EPS8L2: variants seen among roughly 807,000 people sequenced by gnomAD.
EPS8L2 encodes epidermal growth factor receptor kinase substrate 8-like protein 2.
Under a neutral mutation model 99.4 loss-of-function variants are expected in EPS8L2, and 81 were observed. The observed-to-expected ratio is 0.82, with a 90% CI of 0.68 to 0.98. The LOEUF (loss-of-function observed/expected upper bound fraction) is 0.98, where lower values mean the gene tolerates loss of function less well. Ranked by LOEUF, EPS8L2 falls within the 50% of genes least tolerant of loss-of-function variation. EPS8L2 has a pLI of 0.00. For missense variants in EPS8L2, 1,155 were observed against 968.8 expected, an observed-to-expected ratio of 1.19 and a Z score of -2.55; for synonymous variants, 509 against 407.3, an observed-to-expected ratio of 1.25 and a Z score of -3.01.
At chr11:707,991 CT>C (rs912286695) in intron 1 of EPS8L2, among the ~76,000 whole-genome samples, 2 of 152,176 alleles carry the variant, frequency 1.3e-5, no homozygotes, top group African/African-American at 4.8e-5. Context: ...GCCATACCCC[CT>C]GGTGCACCCA....
Position 727,281 on chromosome 11 carries a change from C to A in EPS8L2, c.*300C>A, listed in dbSNP as rs1001573957. The A allele has an allele frequency of 1.3e-5, 4 of 307,124 alleles. No individual in the cohort carries two copies. Among genetic ancestry groups the A allele is most frequent in the African/African-American group, 2.2e-5 (1 of 45,182 alleles). The allele number at this position is 307,124 out of a possible 1,614,324, so 19.0% of individuals were successfully genotyped here. On this transcript the variant is annotated 3_prime_UTR_variant, in exon 21 of 21. Transcript: ENST00000318562. ...GCTGGGGCCTCTTTCTCTGGCCTCC[C>A]CTGTGCACCTGGGGGGTCCTGGCCC...
chr11:723,257 G>A lies in EPS8L2; in HGVS notation c.1358G>A (p.Arg453Gln), dbSNP rs371425662. Residue 453 changes from arginine to glutamine, a missense_variant, in exon 15 of 21, where the codon CGA becomes CAA. Transcript: ENST00000318562. ...APIEEVSPVSRQSIRNSQKHS... is the reference protein window; with the variant it reads ...APIEEVSPVSQQSIRNSQKHS... ...TCCCCACAGGTGAGTCCAGTGAGCC[G>A]ACAGTCCATAAGAAACTCCCAGAAG... 4.1e-5 allele frequency: 66 copies of A among 1,603,330 alleles called. 1 individual carries two copies. Among genetic ancestry groups the A allele is most frequent in the Admixed American group, 6.9e-5 (4 of 57,880 alleles).
chr11:720,780 C>CCGCCGCGCCG, intron 6 of EPS8L2, 34 bp downstream of exon 6: 1 of 1,539,292 alleles, frequency 6.5e-7, no homozygotes, highest in Non-Finnish European at 8.7e-7. Flanking sequence ...GGGTGGGGCC[C>CCGCCGCGCCG]CGCCGCGCCG....
intron 1 of EPS8L2, among the ~76,000 whole-genome samples, chr11:707,321 G>A (rs1487625153): frequency 6.6e-6 from 1 of 152,086 alleles, no homozygotes; most frequent in Non-Finnish European, 1.5e-5. Flanking sequence ...GGCCTGAGGG[G>A]CCTCCCCATT....
Position 714,964 on chromosome 11 carries a change from C to A in EPS8L2, c.165+4478C>A, listed in dbSNP as rs561573767. On this transcript the variant is annotated intron_variant, in intron 4 of 20. Transcript: ENST00000318562. ...CTGTTTTCAGAAAGAGTTTGTGGGC[C>A]GGGCGCGGTGGCTCATGCCTGTAAT... Among the ~76,000 whole-genome samples the A allele has an allele frequency of 2.0e-5, 3 of 152,038 alleles. No homozygotes were observed. The East Asian group carries it at 5.8e-4, about 29-fold the overall frequency.
At chr11:720,978 G>GCCCGGCAGGGGGGGGGAGGAGC (rs5789193) in intron 7 of EPS8L2, 69 bp downstream of exon 7, 9 of 1,101,998 alleles carry the variant, frequency 8.2e-6, no homozygotes, top group Non-Finnish European at 8.7e-6. Context: ...GAGGGGAGGA[G>GCCCGGCAGGGGGGGGGAGGAGC]CCGGCAGGGG....
rs374237906 is a variant in EPS8L2, at chr11:726,634, G to A, written c.1950G>A (p.Leu650=). ...CCGCCCCCAGGATCGTGGAGAACCT[G>A]GGCATCCTGACCGGGCCGCAGCTCT... ...KAFSPRIVEN[L]GILTGPQLFS... Residue 650 remains leucine (L), a synonymous_variant, in exon 20 of 21, where the codon CTG becomes CTA. Coordinates refer to ENST00000318562, the MANE Select transcript of EPS8L2 (RefSeq NM_022772.4). 46 of 1,554,118 alleles carry A rather than the reference G, an allele frequency of 3.0e-5. No homozygotes were observed. Among genetic ancestry groups the A allele is most frequent in the Admixed American group, 1.8e-4 (9 of 51,180 alleles).
At position 724,652 on chromosome 11, in the gene EPS8L2, C is replaced by T; in HGVS notation, c.1455-72C>T. The T allele has an allele frequency of 9.5e-7, 1 of 1,058,200 alleles. No homozygotes were observed. Among genetic ancestry groups the T allele is most frequent in the Non-Finnish European group, 1.5e-6 (1 of 678,418 alleles). The allele number at this position is 1,058,200 out of a possible 1,614,324, so 65.6% of individuals were successfully genotyped here. A position where few individuals can be genotyped will look rare whatever the true frequency, so the allele number is the denominator to read the frequency against. ...AGTCGTGCACCTGGGAAGCTGCTGC[C>T]CCCCAGCCACTGCCCAGGTCTCAGA... On this transcript the variant is annotated intron_variant, in intron 15 of 20. Coordinates refer to ENST00000318562, the MANE Select transcript of EPS8L2 (RefSeq NM_022772.4). This position sits in a 1 kb window ranked among gnomAD's most constrained non-coding sequence, Gnocchi z 5.5.
Position 725,787 on chromosome 11 carries a change from C to G in EPS8L2, c.1620C>G (p.Tyr540Ter). 7.3e-7 allele frequency: 1 copy of G among 1,371,156 alleles called. No individual in the cohort carries two copies. Among genetic ancestry groups the G allele is most frequent in the Non-Finnish European group, 9.4e-7 (1 of 1,065,886 alleles). 84.9% of individuals were successfully genotyped at this position (1,371,156 alleles called of 1,614,324 possible). The change falls in exon 17 of 21, where the codon TAC becomes TAG. Residue 540 changes from tyrosine (Y) to a stop codon, truncating the protein, a stop_gained. Transcript: ENST00000318562. LOFTEE classifies it high-confidence loss of function. ...KLRSRSGQAG[Y>*]VPCNILGEAR... ...GCAGCCGCAGCGGCCAGGCGGGGTACGTGCCCTGCAACATCCTAGGCGAGG... is the reference window on the plus strand; with the variant it reads ...GCAGCCGCAGCGGCCAGGCGGGGTAGGTGCCCTGCAACATCCTAGGCGAGG...
chr11:722,375 C>T, intron 12 of EPS8L2, 26 bp from the exon 13 acceptor site: 3 of 1,608,036 alleles, frequency 1.9e-6, no homozygotes, highest in Non-Finnish European at 1.7e-6. Context: ...GGGCCTCAGT[C>T]CCCTCTGAAC....
At chr11:718,330 C>G (rs1319177062) in intron 4 of EPS8L2, among the ~76,000 whole-genome samples, 1 of 151,944 alleles carries the variant, frequency 6.6e-6, no homozygotes, top group Non-Finnish European at 1.5e-5. Flanking sequence ...GAGACTGTCT[C>G]AAAAACAAAA....
chr11:725,768 G>A lies in EPS8L2; in HGVS notation c.1601G>A (p.Arg534His). The A allele has an allele frequency of 7.4e-7, 1 of 1,352,358 alleles. No homozygotes were observed. The highest frequency in any genetic ancestry group is 9.5e-7 in the Non-Finnish European group (1 of 1,055,296). 83.8% of individuals were successfully genotyped at this position (1,352,358 alleles called of 1,614,324 possible). A position where few individuals can be genotyped will look rare whatever the true frequency, so the allele number is the denominator to read the frequency against. ...CGGCAGTGGTGGAAGCTGCGCAGCC[G>A]CAGCGGCCAGGCGGGGTACGTGCCC... ...DGRQWWKLRSRSGQAGYVPCN... is the reference protein window; with the variant it reads ...DGRQWWKLRSHSGQAGYVPCN... The change falls in exon 17 of 21, where the codon CGC becomes CAC. Residue 534 changes from arginine to histidine, a missense_variant. Coordinates refer to ENST00000318562, the MANE Select transcript of EPS8L2 (RefSeq NM_022772.4).
At chr11:715,220 A>T (rs28852668) in intron 4 of EPS8L2, among the ~76,000 whole-genome samples, 47 of 151,158 alleles carry the variant, frequency 3.1e-4, no homozygotes, top group East Asian at 5.8e-4. Context: ...CCAGCCTGGG[A>T]GACAGAGTGA....
chr11:720,100 C>G lies in EPS8L2; in HGVS notation c.204C>G (p.Ile68Met), dbSNP rs765361806. 4.3e-6 allele frequency: 7 copies of G among 1,613,218 alleles called. No individual in the cohort carries two copies. The East Asian group carries it at 8.9e-5, about 21-fold the overall frequency. The change falls in exon 5 of 21, where the codon ATC (isoleucine) becomes ATG (methionine). Residue 68 changes from isoleucine to methionine, a missense_variant. Ile to Met is a conservative substitution (Grantham distance 10, BLOSUM62 1). Transcript: ENST00000318562. ...TCATCATGGACAAGAGCGAAGCCAT[C>G]ACGTCTGTGGACGACGCCATCCGGA... The part of the protein sequence containing the change: ...ATFIMDKSEA[I>M]TSVDDAIRKL...
rs369933125 is a variant in EPS8L2, at chr11:724,699, C to T, written c.1455-25C>T. 1.3e-5 allele frequency: 20 copies of T among 1,564,610 alleles called. No homozygotes were observed. The African/African-American group carries it at 1.8e-4, about 14-fold the overall frequency. On this transcript the variant is annotated intron_variant, in intron 15 of 20. Coordinates refer to ENST00000318562, the MANE Select transcript of EPS8L2 (RefSeq NM_022772.4). The surrounding 1 kb of genome is among the most constrained non-coding windows in gnomAD (Gnocchi z 5.5). ...CAGAGGAGACCCCCACCAGACTGGG[C>T]CTCAGCCCCTCCTGTTCCTCACAGG...
In EPS8L2 at chr11:724,597, G is replaced by A. The variant is rs959481353; in HGVS notation, c.1455-127G>A. 11 of 665,666 alleles carry A rather than the reference G, an allele frequency of 1.7e-5. No individual in the cohort carries two copies. Among genetic ancestry groups the A allele is most frequent in the Middle Eastern group, 6.6e-4 (2 of 3,044 alleles). The allele number at this position is 665,666 out of a possible 1,614,324, so 41.2% of individuals were successfully genotyped here. A position where few individuals can be genotyped will look rare whatever the true frequency, so the allele number is the denominator to read the frequency against. ...GACGCTGCCTGCAGCCTCTCTCCAC[G>A]GTGACCTCCAGAACAGAAAAGAGGC... On this transcript the variant is annotated intron_variant, in intron 15 of 20. Coordinates refer to ENST00000318562, the MANE Select transcript of EPS8L2 (RefSeq NM_022772.4). The surrounding 1 kb of genome is among the most constrained non-coding windows in gnomAD (Gnocchi z 5.5).
rs1862187516 is a variant in EPS8L2 at position 721,891 on chromosome 11, C to T, written c.896-12C>T. On this transcript the variant is annotated splice_polypyrimidine_tract_variant and intron_variant, in intron 10 of 20. Coordinates refer to ENST00000318562, the MANE Select transcript of EPS8L2 (RefSeq NM_022772.4). ...AGGGCCAGCCTGGCTCACGCGGTGC[C>T]TCCCATGCCAGAGGGCGTCCTCACA... 1 of 1,576,246 alleles carries T rather than the reference C, an allele frequency of 6.3e-7. No homozygotes were observed.
chr11:726,691 G>C lies in EPS8L2; in HGVS notation c.2007G>C (p.Val669=), dbSNP rs1447385218. ...FSLNKEELKK[V]CGEEGVRVYS... ...TCAACAAGGAGGAGCTGAAGAAAGT[G>C]TGCGGCGAGGAGGGCGTCCGCGTGT... The change falls in exon 20 of 21, where the codon GTG becomes GTC. Residue 669 remains valine (V), a synonymous_variant. Coordinates refer to ENST00000318562, the MANE Select transcript of EPS8L2 (RefSeq NM_022772.4). 6.3e-7 allele frequency: 1 copy of C among 1,586,444 alleles called. No homozygotes were observed. Among genetic ancestry groups the C allele is most frequent in the Non-Finnish European group, 8.6e-7 (1 of 1,167,930 alleles).
At chr11:719,781 C>T (rs1862108024) in intron 4 of EPS8L2, among the ~76,000 whole-genome samples, 1 of 152,130 alleles carries the variant, frequency 6.6e-6, no homozygotes, top group Non-Finnish European at 1.5e-5. Context: ...TGGGCGGGTA[C>T]TGAGCCTGCA....
Sources: allele counts gnomAD v4.1 joint callset (sites outside exome capture counted in the v4.1 genomes callset), GRCh38; gene constraint gnomAD v4.1.1; non-coding constraint Gnocchi (gnomAD v3.1); transcripts MANE v1.5; gene names NCBI Gene and HGNC (gene_info 2026-07-23, HGNC 2026-07-21).